Variants in FCHO1 observed in about 807,000 individuals in gnomAD.
FCHO1 encodes F-BAR domain only protein 1.
Under a neutral mutation model 114.4 loss-of-function variants are expected in FCHO1, and 45 were observed. The ratio of observed to expected loss-of-function variants is 0.39; its 90% confidence interval spans 0.31 to 0.50. The LOEUF is 0.50. FCHO1 is among the 20% of genes least tolerant of loss of function. The pLI, the probability that FCHO1 is intolerant of heterozygous loss-of-function variation, is 0.77. For synonymous variants in FCHO1, 480 were observed against 488.9 expected (o/e 0.98, Z 0.24); for missense variants, 1,042 against 1,209.6 (o/e 0.86, Z 2.06).
intron 4 of FCHO1, among the ~76,000 whole-genome samples, chr19:17,761,661 C>CAA (rs2086286048): frequency 7.2e-6 from 1 of 139,162 alleles, no homozygotes; most frequent in Admixed American, 7.2e-5. Context: ...TATACACACA[C>CAA]ACTTCCCCCC....
At position 17,776,084 on chromosome 19, in the gene FCHO1, C is replaced by G. The variant is rs757826850; in HGVS notation, c.1105C>G (p.Pro369Ala). ...CATCAAGCCTGCCCCGGCCCGGGCTCCAGCCTGCAGCCCCGAGGCAGCAGC... is the reference window on the plus strand; with the variant it reads ...CATCAAGCCTGCCCCGGCCCGGGCTGCAGCCTGCAGCCCCGAGGCAGCAGC... ...VHIKPAPARA[P>A]ACSPEAAAAQ... Residue 369 changes from proline (P) to alanine (A), a missense_variant, in exon 16 of 29, where the codon CCA becomes GCA. By Grantham distance (27) the Pro-to-Ala change is conservative (BLOSUM62 -1). This residue lies in a region of FCHO1 where 450 missense variants were observed against 564.1 expected (regional missense o/e 0.80). Transcript: ENST00000596536. The surrounding 1 kb of genome is among the most constrained non-coding windows in gnomAD (Gnocchi z 4.4). 26 of 1,612,200 alleles carry G rather than the reference C, an allele frequency of 1.6e-5. No individual in the cohort carries two copies. The South Asian group carries it at 2.5e-4, about 16-fold the overall frequency.
At chr19:17,786,866 C>T (rs757771510) in intron 27 of FCHO1, among the ~76,000 whole-genome samples, 6 of 150,504 alleles carry the variant, frequency 4.0e-5, no homozygotes, top group South Asian at 2.1e-4. Context: ...TGCAGTGACC[C>T]GTGATCGTAC....
At chr19:17,774,057 C>T (rs1015463733) in intron 11 of FCHO1, among the ~76,000 whole-genome samples, 182 bp from the exon 12 acceptor site, 4 of 152,122 alleles carry the variant, frequency 2.6e-5, no homozygotes, top group Admixed American at 6.6e-5. Flanking sequence ...ATTACAGGCG[C>T]CTGCCACCAT....
At chr19:17,754,894 CTG>C (rs1336997516) in intron 3 of FCHO1, 6 of 493,854 alleles carry the variant, frequency 1.2e-5, no homozygotes, top group Non-Finnish European at 2.2e-5. Context: ...AGTTCTGACT[CTG>C]TGGAATTGGG....
Position 17,784,249 on chromosome 19 carries a change from A to T in FCHO1, c.2226+14A>T. 6 of 1,587,230 alleles carry T rather than the reference A, an allele frequency of 3.8e-6. No individual in the cohort carries two copies. Among genetic ancestry groups the T allele is most frequent in the Non-Finnish European group, 5.1e-6 (6 of 1,167,142 alleles). ...CTGCGATACCAGGTGCGCCACCCGC[A>T]TGGGGCCGGGAGGAGGTGGTGGAGT... On this transcript the variant is annotated intron_variant, in intron 25 of 28. Coordinates refer to ENST00000596536, the MANE Select transcript of FCHO1 (RefSeq NM_015122.3). The surrounding 1 kb of genome is among the most constrained non-coding windows in gnomAD (Gnocchi z 5.3).
Position 17,774,907 on chromosome 19 carries a change from G to C in FCHO1, c.921-149G>C, listed in dbSNP as rs981981349. 36 of 794,852 alleles carry C rather than the reference G, an allele frequency of 4.5e-5. No individual in the cohort carries two copies. In the African/African-American group the frequency reaches 5.9e-4, roughly 13 times the overall value. 49.2% of individuals were successfully genotyped at this position (794,852 alleles called of 1,614,324 possible). On this transcript the variant is annotated intron_variant, in intron 13 of 28. Coordinates refer to ENST00000596536, the MANE Select transcript of FCHO1 (RefSeq NM_015122.3). ...CAGATTCAACCCCCTCCCCAAGCAA[G>C]CCCCATGGTCCCACCGCCTCTAGGG...
At chr19:17,764,878 C>A (rs756129344) in intron 6 of FCHO1, among the ~76,000 whole-genome samples, 4 of 151,832 alleles carry the variant, frequency 2.6e-5, no homozygotes, top group Non-Finnish European at 5.9e-5. Flanking sequence ...CCAGCCTGGG[C>A]AACATGGTGA....
intron 7 of FCHO1, among the ~76,000 whole-genome samples, chr19:17,767,910 C>T (rs970034686): frequency 2.6e-5 from 4 of 152,200 alleles, no homozygotes; most frequent in Non-Finnish European, 5.9e-5. Flanking sequence ...CTCTTATAAA[C>T]CTAGAATCAG....
intron 7 of FCHO1, among the ~76,000 whole-genome samples, chr19:17,768,041 G>A (rs1234133068): frequency 6.6e-6 from 1 of 152,082 alleles, no homozygotes; most frequent in Non-Finnish European, 1.5e-5. Context: ...TTTAAAAAGG[G>A]GGTTGGTAAT....
At position 17,784,950 on chromosome 19, in the gene FCHO1, A is replaced by G. The variant is rs1198702670; in HGVS notation, c.2426+26A>G. On this transcript the variant is annotated intron_variant, in intron 26 of 28. Coordinates refer to ENST00000596536, the MANE Select transcript of FCHO1 (RefSeq NM_015122.3). This position sits in a 1 kb window ranked among gnomAD's most constrained non-coding sequence, Gnocchi z 5.3. ...GTGAGGGCTTGCGGGAGGCCAAGGA[A>G]AACTCAGCAGTTTCCCCCATAACCC... 9 of 1,603,462 alleles carry G rather than the reference A, an allele frequency of 5.6e-6. No homozygotes were observed. Among genetic ancestry groups the G allele is most frequent in the Non-Finnish European group, 6.8e-6 (8 of 1,179,084 alleles).
rs780899234 is a variant in FCHO1 at position 17,776,317 on chromosome 19, G to A, written c.1207+46G>A. 6 of 1,612,604 alleles carry A rather than the reference G, an allele frequency of 3.7e-6. No individual in the cohort carries two copies. In the East Asian group the frequency reaches 1.1e-4, roughly 30 times the overall value. ...AGAGTGGGGAGGATCCTAAGGAAGG[G>A]AGGCTATGGGTTTGGGCTTGAATCA... On this transcript the variant is annotated intron_variant, in intron 17 of 28. Coordinates refer to ENST00000596536, the MANE Select transcript of FCHO1 (RefSeq NM_015122.3). This position sits in a 1 kb window ranked among gnomAD's most constrained non-coding sequence, Gnocchi z 4.4.
intron 4 of FCHO1, among the ~76,000 whole-genome samples, chr19:17,760,047 CTTTTT>C (rs66667915): frequency 2.1e-5 from 3 of 141,092 alleles, no homozygotes; most frequent in Non-Finnish European, 3.1e-5. Flanking sequence ...GTTTTGCCAT[CTTTTT>C]TTTTTTTTTT....
Position 17,761,805 on chromosome 19 carries a change from G to C in FCHO1, c.28-957G>C, listed in dbSNP as rs1232344655. Among the ~76,000 whole-genome samples the C allele has an allele frequency of 1.7e-4, 24 of 141,390 alleles. No individual in the cohort carries two copies. The East Asian group carries it at 2.0e-3, about 12-fold the overall frequency. The allele number at this position is 141,390 out of a possible 152,430, so 92.8% of individuals were successfully genotyped here. ...CCTCCCAAGTAGCTGGGATTACAGG[G>C]GTGCGCCACCATGCCTGGCTAATTT... On this transcript the variant is annotated intron_variant, in intron 4 of 28. Coordinates refer to ENST00000596536, the MANE Select transcript of FCHO1 (RefSeq NM_015122.3).
chr19:17,781,582 C>T (rs1599763618), intron 22 of FCHO1, 43 bp downstream of exon 22: 2 of 1,602,822 alleles, frequency 1.2e-6, no homozygotes, highest in South Asian at 2.2e-5. Context: ...GCCTCAGTGT[C>T]ACCTTCTCTG....
At chr19:17,761,969 TTTCATTCATTCA>T (rs111716506) in intron 4 of FCHO1, among the ~76,000 whole-genome samples, 3 of 148,114 alleles carry the variant, frequency 2.0e-5, no homozygotes, top group South Asian at 2.2e-4. Context: ...TTTATTTTTA[TTTCATTCATTCA>T]TTCATTCATT....
chr19:17,770,019 G>A (rs1317312968), intron 7 of FCHO1, among the ~76,000 whole-genome samples: 1 of 151,776 alleles, frequency 6.6e-6, no homozygotes, highest in Non-Finnish European at 1.5e-5. Context: ...ACACACAGAG[G>A]CCGGGCGTGG....
chr19:17,773,887 T>C (rs1428985809), intron 11 of FCHO1, among the ~76,000 whole-genome samples: 2 of 130,668 alleles, frequency 1.5e-5, no homozygotes, highest in Admixed American at 8.5e-5. Flanking sequence ...TTTAGTTTCT[T>C]TCTCTCTCTC....
At position 17,778,205 on chromosome 19, in the gene FCHO1, C is replaced by T. The variant is rs76560218; in HGVS notation, c.1328C>T (p.Ala443Val). ...KNLFGPPLES[A>V]FDHEDFTGSS... ...CTCTTTGGGCCGCCCCTGGAGTCAG[C>T]CTTTGACCACGAAGATTTTACAGGT... is the stretch of plus-strand genomic sequence containing the variant. Residue 443 changes from alanine (A) to valine (V), a missense_variant, in exon 19 of 29, where the codon GCC becomes GTC. Physicochemically the swap from Ala to Val is moderately conservative, Grantham distance 64. This residue lies in a region of FCHO1 where 455 missense variants were observed against 455.4 expected (regional missense o/e 1.00). Transcript: ENST00000596536. 10 of 1,613,754 alleles carry T rather than the reference C, an allele frequency of 6.2e-6. No individual in the cohort carries two copies. The East Asian group carries it at 1.8e-4, about 29-fold the overall frequency.
Position 17,781,435 on chromosome 19 carries a change from G to T in FCHO1, c.1741-17G>T. ...TCCTGGGGCACTCACAGCCAAGATT[G>T]TCTCTTTCCCTTCCAGTCTCGTTCC... On this transcript the variant is annotated splice_polypyrimidine_tract_variant and intron_variant, in intron 21 of 28. Coordinates refer to ENST00000596536, the MANE Select transcript of FCHO1 (RefSeq NM_015122.3). 6.2e-7 allele frequency: 1 copy of T among 1,613,918 alleles called. No homozygotes were observed. The highest frequency in any genetic ancestry group is 1.3e-5 in the African/African-American group (1 of 75,020).
Sources: gnomAD v4.1 joint callset for allele counts (sites outside exome capture counted in the v4.1 genomes callset) on GRCh38, gnomAD v4.1.1 for gene constraint, gnomAD v4.1.1 regional missense constraint, Gnocchi (gnomAD v3.1) non-coding constraint, MANE v1.5 for transcripts, NCBI Gene and HGNC (gene_info 2026-07-23, HGNC 2026-07-21) for gene names.